The following RGS12 variants were observed in gnomAD, a reference collection of about 807,000 sequenced individuals.
RGS12 encodes the protein regulator of G-protein signaling 12.
In RGS12, 66 loss-of-function variants were observed where a neutral mutation model predicts 120.1. The observed-to-expected ratio is 0.55, with a 90% CI of 0.45 to 0.67. RGS12 has a LOEUF of 0.67. Among genes scored for constraint, RGS12 ranks in the 30% least tolerant of loss-of-function variants. The pLI, the probability that RGS12 is intolerant of heterozygous loss-of-function variation, is 0.00. For synonymous variants in RGS12, 827 were observed against 804.7 expected (o/e 1.03, Z -0.47); for missense variants, 1,859 against 1,957.7 (o/e 0.95, Z 0.95).
intron 4 of RGS12, among the ~76,000 whole-genome samples, chr4:3,393,331 C>G (rs1453534065): frequency 6.6e-6 from 1 of 152,186 alleles, no homozygotes; most frequent in African/African-American, 2.4e-5. Context: ...TTGCCTGCCT[C>G]GTGGGGTCTC....
chr4:3,294,927 G>A (rs904927431), intron 1 of RGS12, among the ~76,000 whole-genome samples: 6 of 152,124 alleles, frequency 3.9e-5, no homozygotes, highest in Non-Finnish European at 1.5e-5. Flanking sequence ...CCTGTGGAGT[G>A]CTCAGGAGAG....
intron 3 of RGS12, among the ~76,000 whole-genome samples, chr4:3,371,653 G>A (rs1301601807): frequency 6.6e-6 from 1 of 152,172 alleles, no homozygotes; most frequent in East Asian, 1.9e-4. Context: ...CCCTCTCGCA[G>A]TCAGAGGCAC....
chr4:3,417,111 G>C lies in RGS12; in HGVS notation c.2607+19G>C. On this transcript the variant is annotated intron_variant, in intron 8 of 17. Coordinates refer to ENST00000336727, the MANE Select transcript of RGS12 (RefSeq NM_001394154.1). Reference sequence around the variant, plus strand: ...AAAAAAGGTGACCTCCCCGAGGCTGGCCTCACGCCCCTGTGGGTTGTGTGT... The same window carrying C: ...AAAAAAGGTGACCTCCCCGAGGCTGCCCTCACGCCCCTGTGGGTTGTGTGT... The C allele has an allele frequency of 6.3e-7, 1 of 1,577,896 alleles. No individual in the cohort carries two copies. Among genetic ancestry groups the C allele is most frequent in the Non-Finnish European group, 8.6e-7 (1 of 1,156,162 alleles).
At chr4:3,334,822 CAAG>C (rs937336947) in intron 2 of RGS12, among the ~76,000 whole-genome samples, 7 of 152,184 alleles carry the variant, frequency 4.6e-5, no homozygotes, top group East Asian at 1.9e-4. Context: ...TCTGACAGCT[CAAG>C]AAGAAGATCA....
rs540959925 is a variant in RGS12, at chr4:3,318,109, G to A, written c.1881+58G>A. On this transcript the variant is annotated intron_variant, in intron 2 of 17. Coordinates refer to ENST00000336727, the MANE Select transcript of RGS12 (RefSeq NM_001394154.1). ...CCCGGCCTCCTCACTTAGCAGTCACGGGGAGGTGACTCCCAGTCACCAGCT... is the reference window on the plus strand; with the variant it reads ...CCCGGCCTCCTCACTTAGCAGTCACAGGGAGGTGACTCCCAGTCACCAGCT... 828 of 1,326,892 alleles carry A rather than the reference G, an allele frequency of 6.2e-4. 9 individuals carry two copies. The highest frequency in any genetic ancestry group is 2.3e-3 in the South Asian group (150 of 64,090). 82.2% of individuals were successfully genotyped at this position (1,326,892 alleles called of 1,614,324 possible).
chr4:3,379,672 A>G (rs1718066378), intron 3 of RGS12, among the ~76,000 whole-genome samples: 1 of 152,164 alleles, frequency 6.6e-6, no homozygotes, highest in African/African-American at 2.4e-5. Context: ...GTCCTTCTTC[A>G]TATGGCAGTA....
At chr4:3,300,497 C>G (rs1301396809) in intron 1 of RGS12, among the ~76,000 whole-genome samples, 2 of 152,142 alleles carry the variant, frequency 1.3e-5, no homozygotes, top group Non-Finnish European at 2.9e-5. Flanking sequence ...CCCGCCCCTC[C>G]TAGGAGTTCC....
intron 1 of RGS12, among the ~76,000 whole-genome samples, chr4:3,313,852 G>A (rs866473056): frequency 6.6e-6 from 1 of 152,314 alleles, no homozygotes; most frequent in South Asian, 2.1e-4. Context: ...TCACGTGGAT[G>A]GGAGGAGCCA....
chr4:3,346,990 A>AT (rs138348703), intron 3 of RGS12, among the ~76,000 whole-genome samples: 44,059 of 148,382 alleles, frequency 0.3, 6,362 homozygotes, highest in Middle Eastern at 0.36. Context: ...GAGGGAACAG[A>AT]TTTTTTTTTT....
At chr4:3,376,208 G>C (rs774717596) in intron 3 of RGS12, among the ~76,000 whole-genome samples, 1 of 150,836 alleles carries the variant, frequency 6.6e-6, no homozygotes, top group East Asian at 1.9e-4. Context: ...CCCTGGTTCA[G>C]TTCCTTCTGA....
chr4:3,367,548 A>C (rs895884771), intron 3 of RGS12, among the ~76,000 whole-genome samples: 2 of 152,268 alleles, frequency 1.3e-5, no homozygotes, highest in East Asian at 3.9e-4. Context: ...AAGCAGGGGC[A>C]ATGGGCTGGG....
intron 5 of RGS12, 65 bp downstream of exon 5, chr4:3,414,306 T>A: frequency 6.8e-7 from 1 of 1,460,060 alleles, no homozygotes; most frequent in Non-Finnish European, 9.1e-7. Flanking sequence ...CCGAGCAGGA[T>A]CTGTGGGCCG....
In RGS12 at chr4:3,422,463, G is replaced by A; in HGVS notation, c.2926G>A (p.Val976Met). 6.2e-7 allele frequency: 1 copy of A among 1,613,208 alleles called. No homozygotes were observed. The highest frequency in any genetic ancestry group is 8.5e-7 in the Non-Finnish European group (1 of 1,179,994). The change falls in exon 11 of 18, where the codon GTG becomes ATG. Residue 976 changes from valine to methionine, a missense_variant. Coordinates refer to ENST00000336727, the MANE Select transcript of RGS12 (RefSeq NM_001394154.1). ...TCTCCCGGATGGGACATCCTGCGTG[G>A]TGGCTGTCAAGGCGGGCTTCTCCAT... The part of the protein sequence containing the change: ...IHLPDGTSCV[V>M]AVKAGFSIKD...
intron 4 of RGS12, 34 bp from the exon 5 acceptor site, chr4:3,414,037 CA>C: frequency 6.6e-7 from 1 of 1,504,684 alleles, no homozygotes; most frequent in Non-Finnish European, 8.9e-7. Flanking sequence ...GGGCGGAGGG[CA>C]GGGGTGCAGG....
intron 17 of RGS12, among the ~76,000 whole-genome samples, chr4:3,438,471 G>T (rs1223697558): frequency 6.6e-6 from 1 of 152,064 alleles, no homozygotes; most frequent in Non-Finnish European, 1.5e-5. Context: ...CCAGCACGGG[G>T]GCTTCACTGC....
At chr4:3,399,427 G>A (rs990904217) in intron 4 of RGS12, among the ~76,000 whole-genome samples, 4 of 152,124 alleles carry the variant, frequency 2.6e-5, no homozygotes, top group African/African-American at 9.7e-5. Context: ...CCAGGAATTT[G>A]AGACCAGCCT....
chr4:3,438,922 A>G (rs956208654), intron 17 of RGS12, among the ~76,000 whole-genome samples: 4 of 152,084 alleles, frequency 2.6e-5, no homozygotes, highest in Non-Finnish European at 5.9e-5. Context: ...GTGCTGAGGC[A>G]GCGAGGCAGG....
intron 17 of RGS12, chr4:3,431,665 G>A: frequency 1.0e-6 from 1 of 985,826 alleles, no homozygotes; most frequent in Non-Finnish European, 1.2e-6. Flanking sequence ...CAGCCGGTAG[G>A]GAAAGGTGTT....
intron 2 of RGS12, chr4:3,342,555 A>C (rs1194306310): frequency 3.1e-6 from 4 of 1,297,828 alleles, no homozygotes; most frequent in Non-Finnish European, 4.0e-6. Context: ...ACTAATCATC[A>C]TACTAGTCAT....
Sources: gnomAD v4.1 joint callset for allele counts (sites outside exome capture counted in the v4.1 genomes callset) on GRCh38, gnomAD v4.1.1 for gene constraint, MANE v1.5 for transcripts, NCBI Gene and HGNC (gene_info 2026-07-23, HGNC 2026-07-21) for gene names.